Variants in ERAL1 observed in about 807,000 individuals in gnomAD.
ERAL1 encodes Era like 12S mitochondrial rRNA chaperone 1.
In ERAL1, 36 loss-of-function variants were observed where a neutral mutation model predicts 53.6. The ratio of observed to expected loss-of-function variants is 0.67; its 90% CI spans 0.51 to 0.89. The LOEUF is 0.89. Ranked by LOEUF, ERAL1 falls within the 40% of genes least tolerant of loss-of-function variation. The probability of loss-of-function intolerance (pLI) is 0.00; values close to 1 mark genes in which losing one functional copy is unlikely to be tolerated. For synonymous variants in ERAL1, 215 were observed against 211.8 expected (o/e 1.02, Z -0.13); for missense variants, 512 against 537.5 (o/e 0.95, Z 0.47).
chr17:28,856,180 TC>T (rs1399947622), intron 1 of ERAL1, 83 bp from the exon 2 acceptor site: 21 of 1,550,038 alleles, frequency 1.4e-5, no homozygotes, highest in Non-Finnish European at 1.8e-5. Flanking sequence ...GTACCCCTGC[TC>T]CCTTTGTGGG....
In ERAL1 at chr17:28,858,721, CA is replaced by C; in HGVS notation, c.860del (p.Asn287ThrfsTer25). 1 of 1,614,204 alleles carries C rather than the reference CA, an allele frequency of 6.2e-7. No individual in the cohort carries two copies. On this transcript the variant is annotated frameshift_variant, in exon 7 of 10. Transcript: ENST00000254928. LOFTEE classifies it high-confidence loss of function. The part of the protein sequence containing the change: ...THCPSPAVKD[P>X]NTQSVGNPQR... Reference sequence around the variant, plus strand: ...TGCCCCAGCCCAGCAGTTAAGGACCCAAACACACAATCTGTGGGAAATCCTC... The same window carrying C: ...TGCCCCAGCCCAGCAGTTAAGGACCCAACACACAATCTGTGGGAAATCCTC...
chr17:28,860,334 T>TG, intron 9 of ERAL1, 97 bp from the exon 10 acceptor site: 1 of 1,448,500 alleles, frequency 6.9e-7, no homozygotes, highest in East Asian at 2.4e-5. Context: ...CTCAAACTCC[T>TG]GTGCTCAAAG....
At position 28,855,229 on chromosome 17, in the gene ERAL1, C is replaced by T; in HGVS notation, c.195C>T (p.Gly65=). ...TGGCCTCGGCTTCTCGCAGTAATGG[C>T]CAGGGCTCTGCCCTGGACCACTTCC... ...PRLASASRSN[G]QGSALDHFLG... is the part of the protein sequence containing the mutation. Residue 65 remains glycine (G), a synonymous_variant, in exon 1 of 10, where the codon GGC becomes GGT. Coordinates refer to ENST00000254928, the MANE Select transcript of ERAL1 (RefSeq NM_005702.4). The T allele has an allele frequency of 1.2e-6, 2 of 1,614,246 alleles. No individual in the cohort carries two copies. Among genetic ancestry groups the T allele is most frequent in the Non-Finnish European group, 1.7e-6 (2 of 1,180,048 alleles).
In ERAL1 at chr17:28,855,079, G is replaced by A; in HGVS notation, c.45G>A (p.Val15=). 1 of 1,614,028 alleles carries A rather than the reference G, an allele frequency of 6.2e-7. No homozygotes were observed. Among genetic ancestry groups the A allele is most frequent in the Non-Finnish European group, 8.5e-7 (1 of 1,179,926 alleles). The stretch of plus-strand genomic sequence containing the variant: ...GCGGGGCTAGGCTTGTTCAATCGGT[G>A]TTAAGAGTCTGGCAGGTGGGCCCTC... The part of the protein sequence containing the change: ...SWRGARLVQS[V]LRVWQVGPHV... The change falls in exon 1 of 10, where the codon GTG becomes GTA. Residue 15 remains valine, a synonymous_variant. Coordinates refer to ENST00000254928, the MANE Select transcript of ERAL1 (RefSeq NM_005702.4).
chr17:28,858,183 A>T lies in ERAL1; in HGVS notation c.574A>T (p.Lys192Ter). Residue 192 changes from lysine (K) to a stop codon, truncating the protein, a stop_gained, in exon 5 of 10, where the codon AAG (lysine) becomes TAG (stop). Transcript: ENST00000254928. LOFTEE classifies it high-confidence loss of function. ...GCTCTCTTTGTTGGAAGATCCATGG[A>T]AGAGCATGGAATCTGCTGATCTTGG... ...LELSLLEDPWKSMESADLVVV... is the reference protein window; with the variant it reads ...LELSLLEDPW The T allele has an allele frequency of 6.2e-7, 1 of 1,614,062 alleles. No individual in the cohort carries two copies. Among genetic ancestry groups the T allele is most frequent in the Non-Finnish European group, 8.5e-7 (1 of 1,180,034 alleles).
In ERAL1 at chr17:28,860,466, C is replaced by T. The variant is rs2039294285; in HGVS notation, c.1227C>T (p.Ser409=). ...LLIGPKGHVI[S]QIAQEAGHDL... ...TTGGTCCGAAGGGCCACGTGATCTC[C>T]CAGATAGCACAGGAGGCAGGCCATG... Residue 409 remains serine, a synonymous_variant, in exon 10 of 10, where the codon TCC becomes TCT. Coordinates refer to ENST00000254928, the MANE Select transcript of ERAL1 (RefSeq NM_005702.4). The T allele has an allele frequency of 1.9e-6, 3 of 1,611,174 alleles. No individual in the cohort carries two copies. Among genetic ancestry groups the T allele is most frequent in the Non-Finnish European group, 1.7e-6 (2 of 1,178,932 alleles).
chr17:28,857,866 G>T (rs1371444078), intron 3 of ERAL1, 73 bp from the exon 4 acceptor site: 1 of 1,517,314 alleles, frequency 6.6e-7, no homozygotes, highest in Admixed American at 1.7e-5. Context: ...TGACATCACA[G>T]GTAGCCTCTC....
chr17:28,860,159 TAG>T (rs1056945807), intron 9 of ERAL1, among the ~76,000 whole-genome samples: 8 of 152,018 alleles, frequency 5.3e-5, no homozygotes, highest in African/African-American at 1.9e-4. Flanking sequence ...GTGTTTTTAG[TAG>T]AGACAGCATT....
chr17:28,860,692 T>A lies in ERAL1; in HGVS notation c.*139T>A. 1 of 1,099,418 alleles carries A rather than the reference T, an allele frequency of 9.1e-7. No individual in the cohort carries two copies. Among genetic ancestry groups the A allele is most frequent in the Non-Finnish European group, 1.2e-6 (1 of 800,314 alleles). 68.1% of individuals were successfully genotyped at this position (1,099,418 alleles called of 1,614,324 possible). A position where few individuals can be genotyped will look rare whatever the true frequency, so the allele number is the denominator to read the frequency against. ...CTGGCCACTAGCTGGCCTGGCCCTG[T>A]TGAGTCTGCACAGTCCCTGCCCAGC... On this transcript the variant is annotated 3_prime_UTR_variant, in exon 10 of 10. Transcript: ENST00000254928.
At position 28,855,041 on chromosome 17, in the gene ERAL1, G is replaced by C. The variant is rs759005927; in HGVS notation, c.7G>C (p.Ala3Pro). MA[A>P]PSWRGARLVQ... ...GCAGTGCCTTGCGGCTGTAATGGCT[G>C]CCCCCAGCTGGCGCGGGGCTAGGCT... is the stretch of plus-strand genomic sequence containing the variant. Residue 3 changes from alanine to proline, a missense_variant, in exon 1 of 10, where the codon GCC (alanine) becomes CCC (proline). Ala to Pro is a conservative substitution (Grantham distance 27). Transcript: ENST00000254928. The C allele has an allele frequency of 6.3e-7, 1 of 1,590,058 alleles. No homozygotes were observed. Among genetic ancestry groups the C allele is most frequent in the Non-Finnish European group, 8.6e-7 (1 of 1,164,988 alleles).
Position 28,858,143 on chromosome 17 carries a change from C to T in ERAL1, c.537-3C>T. On this transcript the variant is annotated splice_polypyrimidine_tract_variant and splice_region_variant and intron_variant, in intron 4 of 9. Transcript: ENST00000254928. ...TCCTGACTGATGTATGTCTGTCCCT[C>T]AGGCATCACCTGGAGCTCTCTTTGT... 1 of 1,614,110 alleles carries T rather than the reference C, an allele frequency of 6.2e-7. No individual in the cohort carries two copies. The highest frequency in any genetic ancestry group is 1.3e-5 in the African/African-American group (1 of 75,032).
chr17:28,859,952 A>G (rs1274339295), intron 9 of ERAL1, among the ~76,000 whole-genome samples: 3 of 151,368 alleles, frequency 2.0e-5, no homozygotes, highest in South Asian at 4.2e-4. Flanking sequence ...GTGAGCCACC[A>G]CATCTAACCC....
At chr17:28,859,942 G>A (rs1366105675) in intron 9 of ERAL1, among the ~76,000 whole-genome samples, 4 of 151,682 alleles carry the variant, frequency 2.6e-5, no homozygotes, top group East Asian at 2.0e-4. Context: ...ATTAATATGC[G>A]TGAGCCACCA....
In ERAL1 at chr17:28,856,304, T is replaced by C. The variant is rs913457836; in HGVS notation, c.324T>C (p.Pro108=). The C allele has an allele frequency of 6.2e-7, 1 of 1,614,178 alleles. No homozygotes were observed. Among genetic ancestry groups the C allele is most frequent in the Admixed American group, 1.7e-5 (1 of 60,020 alleles). ...TCTTGGTCCATCACCCTGATATGCC[T>C]GAGAATTCCCGGGTCCTACGAGTGG... ...DVLLVHHPDM[P]ENSRVLRVVL... Residue 108 remains proline, a synonymous_variant, in exon 2 of 10, where the codon CCT becomes CCC. Transcript: ENST00000254928.
At chr17:28,859,339 C>A in intron 9 of ERAL1, 56 bp downstream of exon 9, 1 of 1,561,130 alleles carries the variant, frequency 6.4e-7, no homozygotes, top group Non-Finnish European at 8.8e-7. Context: ...AGGAGTTCTT[C>A]CCCCAGCTTG....
At chr17:28,855,387 T>C in intron 1 of ERAL1, 70 bp downstream of exon 1, 1 of 1,475,758 alleles carries the variant, frequency 6.8e-7, no homozygotes, top group South Asian at 1.4e-5. Flanking sequence ...GGGGATACTG[T>C]CTTTGATTCT....
At chr17:28,859,984 T>A (rs1245630848) in intron 9 of ERAL1, among the ~76,000 whole-genome samples, 3 of 149,356 alleles carry the variant, frequency 2.0e-5, no homozygotes, top group Non-Finnish European at 4.5e-5. Context: ...TATTTTTTTA[T>A]TTTTTTTTTG....
At position 28,860,556 on chromosome 17, in the gene ERAL1, A is replaced by G. The variant is rs1204344462; in HGVS notation, c.*3A>G. 6.3e-7 allele frequency: 1 copy of G among 1,596,294 alleles called. No homozygotes were observed. ...TCTCTGTGAAGCTCCTCAAGTGACC[A>G]CCCTCTACTGACCCTCCCAGGGCAT... On this transcript the variant is annotated 3_prime_UTR_variant, in exon 10 of 10. Transcript: ENST00000254928.
rs768330084 is a variant in ERAL1, at chr17:28,859,018, C to G, written c.1015C>G (p.Leu339Val). 1.9e-6 allele frequency: 3 copies of G among 1,614,208 alleles called. No homozygotes were observed. Among genetic ancestry groups the G allele is most frequent in the Non-Finnish European group, 2.5e-6 (3 of 1,180,040 alleles). The stretch of plus-strand genomic sequence containing the variant: ...GCCCTGGGAGTACCACAGTGCAGTC[C>G]TCACTAGCCAGACACCAGAAGAGAT... The part of the protein sequence containing the change: ...PGPWEYHSAV[L>V]TSQTPEEICA... Residue 339 changes from leucine to valine, a missense_variant, in exon 8 of 10, where the codon CTC becomes GTC. Leu to Val is a conservative substitution (Grantham distance 32, BLOSUM62 1). Coordinates refer to ENST00000254928, the MANE Select transcript of ERAL1 (RefSeq NM_005702.4).
Sources: allele counts gnomAD v4.1 joint callset (sites outside exome capture counted in the v4.1 genomes callset), GRCh38; gene constraint gnomAD v4.1.1; transcripts MANE v1.5; gene names NCBI Gene and HGNC (gene_info 2026-07-23, HGNC 2026-07-21).